Variants in SUCO observed in about 807,000 individuals in gnomAD.
The protein encoded by SUCO is SUN domain-containing ossification factor.
SUCO carries 57 observed loss-of-function variants against 148.1 expected under a neutral mutation model. The observed-to-expected ratio is 0.38, with a 90% CI of 0.31 to 0.48. SUCO has a LOEUF of 0.48. SUCO is among the 20% of genes least tolerant of loss of function. The probability of loss-of-function intolerance (pLI) is 0.96; values close to 1 mark genes in which losing one functional copy is unlikely to be tolerated. For synonymous variants in SUCO, 470 were observed against 502.7 expected (o/e 0.93, Z 0.87); for missense variants, 1,331 against 1,468.2 (o/e 0.91, Z 1.53).
intron 10 of SUCO, chr1:172,574,937 T>C (rs139134550): frequency 2.2e-5 from 21 of 975,860 alleles, no homozygotes; most frequent in Non-Finnish European, 2.4e-5. Context: ...AATTTTCTTA[T>C]ATGTCAAATG....
chr1:172,572,122 A>T (rs1177379644), intron 9 of SUCO, among the ~76,000 whole-genome samples: 1 of 128,174 alleles, frequency 7.8e-6, no homozygotes, highest in Non-Finnish European at 1.7e-5. Flanking sequence ...CCGGGAGGTG[A>T]GGGGCGCCTC....
At position 172,589,634 on chromosome 1, in the gene SUCO, A is replaced by G; in HGVS notation, c.2533A>G (p.Ile845Val). The G allele has an allele frequency of 6.2e-7, 1 of 1,613,968 alleles. No individual in the cohort carries two copies. Among genetic ancestry groups the G allele is most frequent in the Non-Finnish European group, 8.5e-7 (1 of 1,179,908 alleles). The change falls in exon 18 of 24, where the codon ATA (isoleucine) becomes GTA (valine). Residue 845 changes from isoleucine (I) to valine (V), a missense_variant. Ile to Val is a conservative substitution (Grantham distance 29). This residue lies in a region of SUCO where 992 missense variants were observed against 1,093.5 expected (regional missense o/e 0.91). Coordinates refer to ENST00000263688, the MANE Select transcript of SUCO (RefSeq NM_014283.5). Reference sequence around the variant, plus strand: ...TGAAGATGGGGAAGCCAAAATGAATATAGCTGACACAGCAAAGCAAACTTT... The same window carrying G: ...TGAAGATGGGGAAGCCAAAATGAATGTAGCTGACACAGCAAAGCAAACTTT... ...DNEDGEAKMN[I>V]ADTAKQTLIS...
intron 19 of SUCO, among the ~76,000 whole-genome samples, chr1:172,591,618 T>C (rs1247533759): frequency 6.6e-6 from 1 of 152,060 alleles, no homozygotes; most frequent in Non-Finnish European, 1.5e-5. Flanking sequence ...CTCATCCTTT[T>C]TTATGGCTGC....
At chr1:172,583,300 G>A (rs1375471135) in intron 15 of SUCO, among the ~76,000 whole-genome samples, 1 of 152,016 alleles carries the variant, frequency 6.6e-6, no homozygotes, top group Non-Finnish European at 1.5e-5. Flanking sequence ...CAGGTCAAAG[G>A]GCAATATTAA....
At chr1:172,608,922 A>T (rs1571305084) in intron 23 of SUCO, 120 bp downstream of exon 23, 1 of 722,092 alleles carries the variant, frequency 1.4e-6, no homozygotes, top group Non-Finnish European at 2.3e-6. Context: ...TTTATTTTCT[A>T]TCATGATAAT....
rs1190006897 is a variant in SUCO, at chr1:172,553,351, A to T, written c.269A>T (p.Asp90Val). The change falls in exon 3 of 24, where the codon GAT (aspartate) becomes GTT (valine). Residue 90 changes from aspartate to valine, a missense_variant. Asp to Val is a radical substitution (Grantham distance 152). Transcript: ENST00000263688. ...ISPKEHKLKD[D>V]SIVDVQNTES... The stretch of plus-strand genomic sequence containing the variant: ...CCAAAAGAACATAAATTAAAAGATG[A>T]TTCTATTGTGGATGTACAAGTAAGC... 6.3e-7 allele frequency: 1 copy of T among 1,598,518 alleles called. No homozygotes were observed. The highest frequency in any genetic ancestry group is 8.5e-7 in the Non-Finnish European group (1 of 1,170,254).
chr1:172,591,101 T>A, intron 19 of SUCO, 30 bp downstream of exon 19: 1 of 1,534,708 alleles, frequency 6.5e-7, no homozygotes, highest in Non-Finnish European at 8.9e-7. Context: ...ATTTACTTTT[T>A]ATATAAATTT....
intron 23 of SUCO, chr1:172,609,510 A>C: frequency 1.0e-6 from 1 of 954,592 alleles, no homozygotes; most frequent in Non-Finnish European, 1.2e-6. Flanking sequence ...GCCATAATAC[A>C]TGAAAGCAAC....
chr1:172,599,517 C>A, intron 19 of SUCO: 1 of 355,278 alleles, frequency 2.8e-6, no homozygotes, highest in Non-Finnish European at 3.9e-6. Context: ...ATTTTTGATG[C>A]ATTTCTTTCA....
chr1:172,577,726 T>C (rs776586818), intron 12 of SUCO, 38 bp from the exon 13 acceptor site: 30 of 1,599,606 alleles, frequency 1.9e-5, no homozygotes, highest in Non-Finnish European at 2.5e-5. Flanking sequence ...TTACATGCTC[T>C]CTGCTGGCTT....
At chr1:172,545,965 T>C (rs1284382490) in intron 1 of SUCO, among the ~76,000 whole-genome samples, 1 of 151,960 alleles carries the variant, frequency 6.6e-6, no homozygotes, top group African/African-American at 2.4e-5. Context: ...AGGGTCTTGC[T>C]CTGTCCCCCA....
intron 19 of SUCO, 60 bp from the exon 20 acceptor site, chr1:172,600,004 A>T: frequency 8.6e-7 from 1 of 1,159,902 alleles, no homozygotes; most frequent in Non-Finnish European, 1.2e-6. Context: ...TTTGACTTCA[A>T]TTTATAATGT....
rs540486425 is a variant in SUCO, at chr1:172,536,480, CATT to C, written c.62+2987_62+2989del. 3.1e-3 allele frequency among the ~76,000 whole-genome samples: 468 copies of C among 152,212 alleles called. 3 individuals carry two copies. The highest frequency in any genetic ancestry group is 0.011 in the African/African-American group (456 of 41,526). On this transcript the variant is annotated intron_variant, in intron 1 of 23. Coordinates refer to ENST00000263688, the MANE Select transcript of SUCO (RefSeq NM_014283.5). Reference sequence around the variant, plus strand: ...GTATTATGTAAATATTTCATCATAACATTATTCAACCACATTTTGTTCTCATAC... The same window carrying C: ...GTATTATGTAAATATTTCATCATAACATTCAACCACATTTTGTTCTCATAC...
At position 172,609,954 on chromosome 1, in the gene SUCO, T is replaced by C. The variant is rs1658111016; in HGVS notation, c.3460T>C (p.Tyr1154His). The C allele has an allele frequency of 3.1e-6, 5 of 1,613,986 alleles. No individual in the cohort carries two copies. Among genetic ancestry groups the C allele is most frequent in the Non-Finnish European group, 3.4e-6 (4 of 1,179,880 alleles). ...AGATTTTTCTAATATGGGAGAAGTT[T>C]ATCACTCTTCTTATAAAGGTCCTCC... The part of the protein sequence containing the change: ...QRDFSNMGEV[Y>H]HSSYKGPPSE... Residue 1154 changes from tyrosine to histidine, a missense_variant, in exon 24 of 24, where the codon TAT becomes CAT. By Grantham distance (83) the Tyr-to-His change is moderately conservative. Transcript: ENST00000263688.
chr1:172,611,728 T>A lies in SUCO; in HGVS notation c.*1469T>A, dbSNP rs1029657007. On this transcript the variant is annotated 3_prime_UTR_variant, in exon 24 of 24. Coordinates refer to ENST00000263688, the MANE Select transcript of SUCO (RefSeq NM_014283.5). ...AGCAGAGATACAGTGAGAAATTATG[T>A]GATCTGTGTGTTGTGGGAAGAGAAT... 3.9e-5 allele frequency: 6 copies of A among 152,642 alleles called. No homozygotes were observed. Among genetic ancestry groups the A allele is most frequent in the African/African-American group, 1.4e-4 (6 of 41,454 alleles). The allele number at this position is 152,642 out of a possible 1,614,324, so 9.5% of individuals were successfully genotyped here.
intron 1 of SUCO, among the ~76,000 whole-genome samples, chr1:172,548,314 A>G (rs1033152080): frequency 6.6e-6 from 1 of 151,786 alleles, no homozygotes; most frequent in Non-Finnish European, 1.5e-5. Flanking sequence ...TCCCATTACT[A>G]TCTTCCCTTT....
rs571062057 is a variant in SUCO at position 172,575,049 on chromosome 1, G to A, written c.1158-469G>A. The A allele has an allele frequency of 1.7e-3, 374 of 224,018 alleles. 1 individual carries two copies. Among genetic ancestry groups the A allele is most frequent in the Non-Finnish European group, 2.5e-3 (335 of 133,858 alleles). The allele number at this position is 224,018 out of a possible 1,614,324, so 13.9% of individuals were successfully genotyped here. A position where few individuals can be genotyped will look rare whatever the true frequency, so the allele number is the denominator to read the frequency against. ...AATGTTTCAGTAAACAGATATAATA[G>A]TTTTAGACTTTTATATTAAATACCA... On this transcript the variant is annotated intron_variant, in intron 10 of 23. Coordinates refer to ENST00000263688, the MANE Select transcript of SUCO (RefSeq NM_014283.5).
chr1:172,588,233 A>G, intron 17 of SUCO: 1 of 985,328 alleles, frequency 1.0e-6, no homozygotes, highest in Non-Finnish European at 1.2e-6. Flanking sequence ...TAGAAAAATT[A>G]TGTTTGAGAC....
intron 6 of SUCO, among the ~76,000 whole-genome samples, chr1:172,558,569 T>G (rs1460098028): frequency 6.6e-6 from 1 of 151,480 alleles, no homozygotes; most frequent in East Asian, 1.9e-4. Context: ...TCACGTATTT[T>G]CAGTGAATCT....
Sources: allele counts gnomAD v4.1 joint callset (sites outside exome capture counted in the v4.1 genomes callset), GRCh38; gene constraint gnomAD v4.1.1; regional missense constraint gnomAD v4.1.1; transcripts MANE v1.5; gene names NCBI Gene and HGNC (gene_info 2026-07-23, HGNC 2026-07-21).